Variants in TAFA1 observed in about 807,000 individuals in gnomAD.
The protein encoded by TAFA1 is TAFA chemokine like family member 1, also known as chemokine-like protein TAFA-1.
A neutral mutation model predicts 18.5 loss-of-function variants in TAFA1; 4 were observed. The observed-to-expected ratio is 0.22, with a 90% CI of 0.11 to 0.49. The LOEUF (loss-of-function observed/expected upper bound fraction) is 0.49, where lower values mean the gene tolerates loss of function less well. Among genes scored for constraint, TAFA1 ranks in the 20% least tolerant of loss-of-function variants. The probability of loss-of-function intolerance (pLI) is 0.98; values close to 1 mark genes in which losing one functional copy is unlikely to be tolerated. For synonymous variants in TAFA1, 56 were observed against 55.2 expected (o/e 1.01, Z -0.06); for missense variants, 147 against 169.0 (o/e 0.87, Z 0.72).
At chr3:68,076,295 ATGTT>A (rs1156693551) in intron 2 of TAFA1, among the ~76,000 whole-genome samples, 2,077 of 150,512 alleles carry the variant, frequency 0.014, 47 homozygotes, top group African/African-American at 0.047. Flanking sequence ...TTTTTTTTGA[ATGTT>A]TGTTTGTTTG....
At chr3:68,032,082 G>T (rs1488209816) in intron 2 of TAFA1, among the ~76,000 whole-genome samples, 4 of 151,964 alleles carry the variant, frequency 2.6e-5, no homozygotes, top group Non-Finnish European at 5.9e-5. Flanking sequence ...TAAATATCAT[G>T]TAGGTACCTT....
intron 4 of TAFA1, among the ~76,000 whole-genome samples, chr3:68,539,657 GTC>G (rs1232623712): frequency 2.3e-3 from 214 of 92,730 alleles, no homozygotes; most frequent in Non-Finnish European, 3.7e-3. Flanking sequence ...CTCTCTCTTT[GTC>G]TCTCTCTGTG....
chr3:68,392,667 A>T (rs1173839390), intron 2 of TAFA1, among the ~76,000 whole-genome samples: 2 of 152,222 alleles, frequency 1.3e-5, no homozygotes, highest in Non-Finnish European at 2.9e-5. Context: ...CTCTCAGACC[A>T]CAGTGCAATC....
At chr3:68,015,794 C>A (rs1045593090) in intron 2 of TAFA1, among the ~76,000 whole-genome samples, 12 of 152,048 alleles carry the variant, frequency 7.9e-5, no homozygotes, top group Non-Finnish European at 1.3e-4. Context: ...TTTATGATAT[C>A]ATATATATTC....
intron 3 of TAFA1, among the ~76,000 whole-genome samples, chr3:68,482,677 A>G (rs2072260295): frequency 6.6e-6 from 1 of 152,202 alleles, no homozygotes; most frequent in Non-Finnish European, 1.5e-5. Flanking sequence ...CTTTTGGTAG[A>G]ACTGTCTATG....
At chr3:68,527,637 T>A (rs908679995) in intron 3 of TAFA1, among the ~76,000 whole-genome samples, 3 of 152,120 alleles carry the variant, frequency 2.0e-5, no homozygotes, top group African/African-American at 7.2e-5. Flanking sequence ...TTTTTATGCA[T>A]CACAACTTGT....
chr3:68,050,664 C>T (rs1224161236), intron 2 of TAFA1, among the ~76,000 whole-genome samples: 3 of 152,144 alleles, frequency 2.0e-5, no homozygotes, highest in African/African-American at 7.2e-5. Context: ...CAAGTTCTGG[C>T]TCTGCCACTT....
At chr3:68,002,701 A>T (rs532930750), upstream of TAFA1, among the ~76,000 whole-genome samples, 3 of 152,274 alleles carry the variant, frequency 2.0e-5, no homozygotes, top group African/African-American at 7.2e-5. Context: ...TAAATATTTT[A>T]TCCCAGTGTT....
intron 2 of TAFA1, among the ~76,000 whole-genome samples, chr3:68,183,052 C>T (rs372341845): frequency 2.0e-4 from 30 of 152,276 alleles, no homozygotes; most frequent in South Asian, 1.2e-3. Flanking sequence ...TCTTGCACTA[C>T]TCAATACATT....
chr3:68,319,212 A>T (rs1330936869), intron 2 of TAFA1, among the ~76,000 whole-genome samples: 1 of 152,226 alleles, frequency 6.6e-6, no homozygotes, highest in Admixed American at 6.5e-5. Flanking sequence ...AGTGTGTGTG[A>T]TGTTTAAAGC....
At chr3:68,080,017 T>G (rs2064876571) in intron 2 of TAFA1, among the ~76,000 whole-genome samples, 1 of 152,062 alleles carries the variant, frequency 6.6e-6, no homozygotes, top group Non-Finnish European at 1.5e-5. Flanking sequence ...TGCATATATA[T>G]TTAGGATAGT....
At chr3:68,086,891 A>G (rs1351729677) in intron 2 of TAFA1, among the ~76,000 whole-genome samples, 1 of 152,198 alleles carries the variant, frequency 6.6e-6, no homozygotes, top group East Asian at 1.9e-4. Context: ...GATCAGGACC[A>G]TTGAGGTTAA....
intron 2 of TAFA1, among the ~76,000 whole-genome samples, chr3:68,099,068 G>C (rs1008209989): frequency 1.2e-4 from 18 of 152,092 alleles, no homozygotes; most frequent in African/African-American, 4.3e-4. Flanking sequence ...AGAAAACTTA[G>C]GAAATAGCAT....
At chr3:68,191,250 C>T (rs1320287173) in intron 2 of TAFA1, among the ~76,000 whole-genome samples, 1 of 151,706 alleles carries the variant, frequency 6.6e-6, no homozygotes, top group Non-Finnish European at 1.5e-5. Flanking sequence ...TGATATTCCT[C>T]ATATGGAATC....
chr3:68,454,392 T>G (rs188067776), intron 3 of TAFA1, among the ~76,000 whole-genome samples: 5 of 152,246 alleles, frequency 3.3e-5, no homozygotes, highest in African/African-American at 9.6e-5. Context: ...TCCTTCCCAC[T>G]CTCAGATTTT....
chr3:68,172,143 TCA>T (rs982537107), intron 2 of TAFA1, among the ~76,000 whole-genome samples: 2 of 152,220 alleles, frequency 1.3e-5, no homozygotes, highest in Admixed American at 1.3e-4. Flanking sequence ...TCAATAAAAC[TCA>T]CACCTATATA....
At chr3:68,054,212 G>A (rs571586837) in intron 2 of TAFA1, among the ~76,000 whole-genome samples, 8 of 152,266 alleles carry the variant, frequency 5.3e-5, no homozygotes, top group African/African-American at 1.9e-4. Context: ...GGAGGGGCTT[G>A]GGTCATGGAG....
rs1553693205 is a variant in TAFA1 at position 68,461,381 on chromosome 3, G to GTATATA, written c.259+43964_259+43965insATATAT. 7.1e-3 allele frequency among the ~76,000 whole-genome samples: 874 copies of GTATATA among 122,560 alleles called. 25 individuals are homozygous for GTATATA. Among genetic ancestry groups the GTATATA allele is most frequent in the African/African-American group, 0.03 (824 of 27,748 alleles). The allele number at this position is 122,560 out of a possible 152,430, so 80.4% of individuals were successfully genotyped here. A position where few individuals can be genotyped will look rare whatever the true frequency, so the allele number is the denominator to read the frequency against. Reference sequence around the variant, plus strand: ...AGTGCATATATATATATATATATATGTATGTATGTATATATCCATCCCATC... The same window carrying GTATATA: ...AGTGCATATATATATATATATATATGTATATATATGTATGTATATATCCATCCCATC... On this transcript the variant is annotated intron_variant, in intron 3 of 4. Coordinates refer to ENST00000478136, the MANE Select transcript of TAFA1 (RefSeq NM_213609.4).
chr3:68,377,675 G>A (rs1342410328), intron 2 of TAFA1, among the ~76,000 whole-genome samples: 1 of 152,200 alleles, frequency 6.6e-6, no homozygotes, highest in East Asian at 1.9e-4. Flanking sequence ...TCCAGGGCAT[G>A]TCAGAGATCT....
Sources: gnomAD v4.1 joint callset for allele counts (sites outside exome capture counted in the v4.1 genomes callset) on GRCh38, gnomAD v4.1.1 for gene constraint, MANE v1.5 for transcripts, NCBI Gene and HGNC (gene_info 2026-07-23, HGNC 2026-07-21) for gene names.